ZFR: variants seen among roughly 807,000 people sequenced by gnomAD.
ZFR encodes the protein zinc finger RNA binding protein.
In ZFR, 19 loss-of-function variants were observed where a neutral mutation model predicts 130.7. The ratio of observed to expected loss-of-function variants is 0.15; its 90% CI spans 0.10 to 0.21. ZFR has a LOEUF of 0.21. Ranked by LOEUF, ZFR falls within the 10% of genes least tolerant of loss-of-function variation. ZFR has a pLI of 1.00. For synonymous variants in ZFR, 466 were observed against 456.9 expected (o/e 1.02, Z -0.25); for missense variants, 872 against 1,321.5 (o/e 0.66, Z 5.27).
chr5:32,394,684 G>C (rs894215375), intron 11 of ZFR, among the ~76,000 whole-genome samples: 1 of 152,080 alleles, frequency 6.6e-6, no homozygotes, highest in Non-Finnish European at 1.5e-5. Context: ...TATAAGTTTA[G>C]AAGATATGTT....
chr5:32,418,432 A>G (rs1440902456), intron 3 of ZFR, among the ~76,000 whole-genome samples: 5 of 152,180 alleles, frequency 3.3e-5, no homozygotes, highest in East Asian at 1.9e-4. Context: ...TTACAAAAGA[A>G]CACTTGTGTT....
At chr5:32,376,365 T>C (rs2111697597) in intron 17 of ZFR, among the ~76,000 whole-genome samples, 1 of 152,184 alleles carries the variant, frequency 6.6e-6, no homozygotes, top group Middle Eastern at 3.4e-3. Flanking sequence ...AAAGGAGATG[T>C]GCCAGGCACA....
At chr5:32,356,419 G>GT (rs1231728877) in intron 19 of ZFR, among the ~76,000 whole-genome samples, 3 of 151,980 alleles carry the variant, frequency 2.0e-5, no homozygotes, top group African/African-American at 7.3e-5. Flanking sequence ...TTTTTGTTTT[G>GT]TTTTGTTTTT....
chr5:32,404,082 A>G lies in ZFR; in HGVS notation c.1048T>C (p.Leu350=). 6.2e-7 allele frequency: 1 copy of G among 1,607,400 alleles called. No homozygotes were observed. The highest frequency in any genetic ancestry group is 8.5e-7 in the Non-Finnish European group (1 of 1,178,226). The change falls in exon 7 of 20, where the codon TTA becomes CTA. Residue 350 remains leucine (L), a synonymous_variant. Transcript: ENST00000265069. ...CAGPQTYKEH[L]EGQKHKKKEA... ...TTTTTTTTATGTTTCTGTCCTTCTA[A>G]ATGTTCTTTATAAGTCTGTTTCAAA... is the stretch of plus-strand genomic sequence containing the variant.
chr5:32,363,308 C>CAATGGAAAGAAAAAGAA (rs1752474281), intron 19 of ZFR, among the ~76,000 whole-genome samples: 1 of 152,060 alleles, frequency 6.6e-6, no homozygotes, highest in African/African-American at 2.4e-5. Flanking sequence ...TCATTAGGTT[C>CAATGGAAAGAAAAAGAA]AATGTTTTTT....
intron 2 of ZFR, among the ~76,000 whole-genome samples, chr5:32,426,839 A>G (rs1017813175): frequency 6.8e-6 from 1 of 147,696 alleles, no homozygotes; most frequent in Admixed American, 6.9e-5. Flanking sequence ...CAGGGGGCGG[A>G]GGTTGCAGTG....
rs770707586 is a variant in ZFR at position 32,397,200 on chromosome 5, T to C, written c.1833+19A>G. ...TTGTTTTTTGTTTTAAAGAAGGTAATAGCTGAAATTTTACTCACTTTATAT... is the reference window on the plus strand; with the variant it reads ...TTGTTTTTTGTTTTAAAGAAGGTAACAGCTGAAATTTTACTCACTTTATAT... On this transcript the variant is annotated intron_variant, in intron 10 of 19. Coordinates refer to ENST00000265069, the MANE Select transcript of ZFR (RefSeq NM_016107.5). 1.3e-6 allele frequency: 2 copies of C among 1,581,380 alleles called. No homozygotes were observed. Among genetic ancestry groups the C allele is most frequent in the Non-Finnish European group, 1.7e-6 (2 of 1,167,130 alleles).
At chr5:32,423,192 G>A (rs1024588810) in intron 2 of ZFR, among the ~76,000 whole-genome samples, 2 of 152,184 alleles carry the variant, frequency 1.3e-5, no homozygotes, top group South Asian at 4.2e-4. Context: ...AATTAGCCGC[G>A]TGTCGTGGCA....
intron 14 of ZFR, 22 bp downstream of exon 14, chr5:32,387,527 T>C (rs1324022969): frequency 3.7e-6 from 6 of 1,607,406 alleles, no homozygotes; most frequent in Admixed American, 1.7e-5. Context: ...GGGGTAAAAA[T>C]GAACATTTCC....
intron 10 of ZFR, among the ~76,000 whole-genome samples, chr5:32,396,679 G>C (rs1753321818): frequency 6.6e-6 from 1 of 152,094 alleles, no homozygotes; most frequent in Non-Finnish European, 1.5e-5. Context: ...AGGAAGCAGA[G>C]GCTGCAGTGA....
rs756831935 is a variant in ZFR, at chr5:32,420,128, A to G, written c.138-25T>C. ...GCTACATTGTGGAGTACAAGAATAA[A>G]TATAATACAATTTTAATATCCAGGA... On this transcript the variant is annotated intron_variant, in intron 2 of 19. Transcript: ENST00000265069. 6 of 1,462,134 alleles carry G rather than the reference A, an allele frequency of 4.1e-6. No homozygotes were observed. In the East Asian group the frequency reaches 9.5e-5, roughly 23 times the overall value. The allele number at this position is 1,462,134 out of a possible 1,614,324, so 90.6% of individuals were successfully genotyped here. A position where few individuals can be genotyped will look rare whatever the true frequency, so the allele number is the denominator to read the frequency against.
At position 32,379,146 on chromosome 5, in the gene ZFR, C is replaced by T. The variant is rs150669431; in HGVS notation, c.2804G>A (p.Arg935Gln). 3.7e-6 allele frequency: 6 copies of T among 1,613,762 alleles called. No individual in the cohort carries two copies. The highest frequency in any genetic ancestry group is 5.1e-6 in the Non-Finnish European group (6 of 1,179,974). The change falls in exon 17 of 20, where the codon CGA becomes CAA. Residue 935 changes from arginine (R) to glutamine (Q), a missense_variant. Physicochemically the swap from Arg to Gln is conservative, Grantham distance 43. Coordinates refer to ENST00000265069, the MANE Select transcript of ZFR (RefSeq NM_016107.5). ...IIRILRDLCQ[R>Q]VPTWSDFPSW... The stretch of plus-strand genomic sequence containing the variant: ...TGGAAAATCAGACCAAGTTGGAACT[C>T]GCTGACAGAGGTCTCGAAGAATGCG...
chr5:32,376,970 G>A (rs1316495445), intron 17 of ZFR, among the ~76,000 whole-genome samples: 3 of 144,550 alleles, frequency 2.1e-5, no homozygotes, highest in Non-Finnish European at 3.0e-5. Context: ...CAAGCTGTCT[G>A]AAAAAAAACC....
In ZFR at chr5:32,373,435, G is replaced by C. The variant is rs552039004; in HGVS notation, c.2835+5680C>G. ...ATAAAATTCCCTCAAAACTACTGTT[G>C]GTTTAAAGATAGTATGAAAACAAAT... On this transcript the variant is annotated intron_variant, in intron 17 of 19. Coordinates refer to ENST00000265069, the MANE Select transcript of ZFR (RefSeq NM_016107.5). Among the ~76,000 whole-genome samples the C allele has an allele frequency of 3.3e-5, 5 of 152,156 alleles. No homozygotes were observed. The East Asian group carries it at 9.6e-4, about 29-fold the overall frequency.
intron 7 of ZFR, 129 bp downstream of exon 7, chr5:32,403,777 G>A: frequency 2.7e-6 from 2 of 749,598 alleles, no homozygotes; most frequent in Admixed American, 3.4e-5. Context: ...TGTATTATTA[G>A]CACATAAGCA....
At chr5:32,390,879 G>A (rs1044376516) in intron 11 of ZFR, among the ~76,000 whole-genome samples, 2 of 152,218 alleles carry the variant, frequency 1.3e-5, no homozygotes, top group African/African-American at 4.8e-5. Flanking sequence ...TAAATGGCAA[G>A]TCATAGTCAG....
intron 19 of ZFR, among the ~76,000 whole-genome samples, chr5:32,363,701 T>TA (rs1156341247): frequency 3.9e-5 from 6 of 152,230 alleles, no homozygotes; most frequent in Non-Finnish European, 7.3e-5. Flanking sequence ...AATATTGCTG[T>TA]ATTTTTATAA....
At chr5:32,370,089 A>ATTTTT (rs933446377) in intron 17 of ZFR, among the ~76,000 whole-genome samples, 5 of 121,942 alleles carry the variant, frequency 4.1e-5, no homozygotes, top group South Asian at 2.6e-4. Flanking sequence ...ACAGTGGCAG[A>ATTTTT]TTTTTTTTTT....
At chr5:32,364,095 A>C in intron 18 of ZFR, 50 bp from the exon 19 acceptor site, 1 of 1,581,278 alleles carries the variant, frequency 6.3e-7, no homozygotes, top group Non-Finnish European at 8.7e-7. Context: ...GTCCACTTAT[A>C]AAAAAAATTA....
Sources: gnomAD v4.1 joint callset for allele counts (sites outside exome capture counted in the v4.1 genomes callset) on GRCh38, gnomAD v4.1.1 for gene constraint, MANE v1.5 for transcripts, NCBI Gene and HGNC (gene_info 2026-07-23, HGNC 2026-07-21) for gene names.